The following CCSER1 variants were observed in gnomAD, a reference collection of about 807,000 sequenced individuals.
The protein encoded by CCSER1 is coiled-coil serine rich protein 1, also known as serine-rich coiled-coil domain-containing protein 1.
Under a neutral mutation model 82.0 loss-of-function variants are expected in CCSER1, and 41 were observed. The ratio of observed to expected loss-of-function variants is 0.50; its 90% CI spans 0.39 to 0.65. CCSER1 has a LOEUF of 0.65. CCSER1 is among the 30% of genes least tolerant of loss of function. The pLI, the probability that CCSER1 is intolerant of heterozygous loss-of-function variation, is 0.00. For synonymous variants in CCSER1, 414 were observed against 383.9 expected, an observed-to-expected ratio of 1.08 and a Z score of -0.92; for missense variants, 1,119 against 1,064.2, an observed-to-expected ratio of 1.05 and a Z score of -0.72.
At chr4:90,931,068 A>G (rs535713263) in intron 9 of CCSER1, among the ~76,000 whole-genome samples, 18 of 149,610 alleles carry the variant, frequency 1.2e-4, no homozygotes, top group African/African-American at 3.4e-4. Context: ...TTCTTGGAAT[A>G]TATATTATAT....
chr4:90,173,291 A>G (rs772272187), intron 1 of CCSER1, among the ~76,000 whole-genome samples: 30 of 151,686 alleles, frequency 2.0e-4, no homozygotes, highest in Non-Finnish European at 3.8e-4. Context: ...ATTAAGAGTA[A>G]TTCATGTTTG....
At chr4:91,328,424 A>T (rs1002320093) in intron 10 of CCSER1, among the ~76,000 whole-genome samples, 1 of 152,242 alleles carries the variant, frequency 6.6e-6, no homozygotes, top group Admixed American at 6.5e-5. Context: ...ACCTTGTGAA[A>T]ACTCACTCAC....
At chr4:90,996,798 T>G (rs1737532377) in intron 9 of CCSER1, among the ~76,000 whole-genome samples, 1 of 152,180 alleles carries the variant, frequency 6.6e-6, no homozygotes, top group Non-Finnish European at 1.5e-5. Flanking sequence ...TAACTCAGTA[T>G]AATCCATTAA....
At chr4:90,420,942 G>T (rs1317916527) in intron 4 of CCSER1, among the ~76,000 whole-genome samples, 3 of 151,990 alleles carry the variant, frequency 2.0e-5, no homozygotes, top group Non-Finnish European at 2.9e-5. Flanking sequence ...ACAATTATGT[G>T]GTGACATCTC....
chr4:91,406,799 G>A (rs2149366760), intron 10 of CCSER1, among the ~76,000 whole-genome samples: 1 of 152,252 alleles, frequency 6.6e-6, no homozygotes, highest in East Asian at 1.9e-4. Flanking sequence ...TTTGAGCTAT[G>A]TAGATAAAAC....
intron 9 of CCSER1, among the ~76,000 whole-genome samples, chr4:91,036,626 A>G (rs577217771): frequency 6.0e-4 from 91 of 152,326 alleles, no homozygotes; most frequent in African/African-American, 2.0e-3. Context: ...TGAAAGGTAA[A>G]AACCTAAAGT....
intron 10 of CCSER1, among the ~76,000 whole-genome samples, chr4:91,392,363 G>GCACACACACACACACACA (rs142343973): frequency 2.0e-5 from 3 of 148,118 alleles, no homozygotes; most frequent in Non-Finnish European, 3.0e-5. Context: ...ACCTACACAT[G>GCACACACACACACACACA]CACACACACA....
Position 90,841,989 on chromosome 4 carries a change from C to G in CCSER1, c.2094+26144C>G, listed in dbSNP as rs955505547. On this transcript the variant is annotated intron_variant, in intron 8 of 10. Coordinates refer to ENST00000509176, the MANE Select transcript of CCSER1 (RefSeq NM_001145065.2). ...TTCTGCTGTCTGTCTTTTCATATTTCCCTTTTCCTGCATATTGACGTATTT... is the reference window on the plus strand; with the variant it reads ...TTCTGCTGTCTGTCTTTTCATATTTGCCTTTTCCTGCATATTGACGTATTT... Among the ~76,000 whole-genome samples, 5 of 151,882 alleles carry G rather than the reference C, an allele frequency of 3.3e-5. No individual in the cohort carries two copies. In the East Asian group the frequency reaches 9.7e-4, roughly 29 times the overall value.
intron 1 of CCSER1, among the ~76,000 whole-genome samples, chr4:90,214,965 A>G (rs1412644615): frequency 6.6e-6 from 1 of 152,106 alleles, no homozygotes; most frequent in Non-Finnish European, 1.5e-5. Context: ...AGTTATGTAA[A>G]TTCTTTTTGA....
At chr4:90,507,582 A>T (rs990202553) in intron 5 of CCSER1, among the ~76,000 whole-genome samples, 7 of 152,120 alleles carry the variant, frequency 4.6e-5, no homozygotes, top group Non-Finnish European at 1.0e-4. Context: ...ATCATTTCAT[A>T]CATTTTATAG....
chr4:90,231,058 T>C (rs1303034082), intron 1 of CCSER1, among the ~76,000 whole-genome samples: 1 of 152,138 alleles, frequency 6.6e-6, no homozygotes, highest in Admixed American at 6.5e-5. Flanking sequence ...GAGGAACTGA[T>C]ACCATTCCTT....
intron 3 of CCSER1, among the ~76,000 whole-genome samples, chr4:90,338,680 A>T (rs1231406979): frequency 2.0e-5 from 3 of 152,158 alleles, no homozygotes; most frequent in Non-Finnish European, 4.4e-5. Flanking sequence ...AAATAATGAA[A>T]ATTTGTTATT....
intron 4 of CCSER1, among the ~76,000 whole-genome samples, chr4:90,440,299 C>T (rs116094343): frequency 0.017 from 2,598 of 152,254 alleles, 71 homozygotes; most frequent in African/African-American, 0.058. Context: ...GCCACTGCAT[C>T]CAGTCCATAG....
chr4:91,120,566 A>AC (rs1726998145), intron 10 of CCSER1, among the ~76,000 whole-genome samples: 1 of 151,918 alleles, frequency 6.6e-6, no homozygotes, highest in African/African-American at 2.4e-5. Context: ...TTAGCTTTAA[A>AC]GTTTTTTTTG....
chr4:90,682,553 AT>A (rs924836681), intron 6 of CCSER1, among the ~76,000 whole-genome samples: 7 of 151,220 alleles, frequency 4.6e-5, no homozygotes, highest in African/African-American at 1.2e-4. Flanking sequence ...CTTACCTTTT[AT>A]TTTTTTTTCT....
intron 10 of CCSER1, among the ~76,000 whole-genome samples, chr4:91,392,447 TATAAA>T (rs375761163): frequency 2.0e-3 from 310 of 152,072 alleles, no homozygotes; most frequent in African/African-American, 7.3e-3. Flanking sequence ...CTATTTGAAC[TATAAA>T]ATAAGGAGTA....
intron 10 of CCSER1, among the ~76,000 whole-genome samples, chr4:91,338,108 C>T (rs956663841): frequency 2.0e-5 from 3 of 152,044 alleles, no homozygotes; most frequent in South Asian, 2.1e-4. Context: ...GGTAGATAAT[C>T]GTATAATCCT....
At chr4:91,098,307 T>G (rs944981515) in intron 10 of CCSER1, among the ~76,000 whole-genome samples, 1 of 152,168 alleles carries the variant, frequency 6.6e-6, no homozygotes, top group African/African-American at 2.4e-5. Context: ...TTTAATTCTC[T>G]CCAAAAGAGA....
chr4:90,577,127 T>C (rs1474230895), intron 5 of CCSER1, among the ~76,000 whole-genome samples: 1 of 152,162 alleles, frequency 6.6e-6, no homozygotes, highest in Non-Finnish European at 1.5e-5. Flanking sequence ...ACATATGGTG[T>C]TGAGCATCTT....
Sources: allele counts gnomAD v4.1 joint callset (sites outside exome capture counted in the v4.1 genomes callset), GRCh38; gene constraint gnomAD v4.1.1; transcripts MANE v1.5; gene names NCBI Gene and HGNC (gene_info 2026-07-23, HGNC 2026-07-21).